Variants in GAL3ST2 observed in about 807,000 individuals in gnomAD.
GAL3ST2 encodes galactose-3-O-sulfotransferase 2.
GAL3ST2 carries 16 observed loss-of-function variants against 12.9 expected under a neutral mutation model. That is an observed-to-expected ratio of 1.24 (90% CI 0.84 to 1.88). The LOEUF (loss-of-function observed/expected upper bound fraction) is 1.88, where lower values mean the gene tolerates loss of function less well. Among genes scored for constraint, GAL3ST2 ranks in the 40% most tolerant of loss-of-function variants. The pLI is 0.00. For synonymous variants in GAL3ST2, 302 were observed against 273.9 expected, an observed-to-expected ratio of 1.10 and a Z score of -1.01; for missense variants, 639 against 571.8, an observed-to-expected ratio of 1.12 and a Z score of -1.20.
intron 1 of GAL3ST2, among the ~76,000 whole-genome samples, chr2:241,777,636 G>C (rs761792698): frequency 6.6e-6 from 1 of 152,202 alleles, no homozygotes; most frequent in African/African-American, 2.4e-5. Flanking sequence ...TCCCCGGGGC[G>C]TGTGCCGCCA....
At chr2:241,796,713 G>A (rs973029245) in intron 1 of GAL3ST2, among the ~76,000 whole-genome samples, 7 of 152,222 alleles carry the variant, frequency 4.6e-5, no homozygotes, top group African/African-American at 1.2e-4. Flanking sequence ...GCCATCGGCT[G>A]GGGTCGGGGG....
intron 1 of GAL3ST2, among the ~76,000 whole-genome samples, chr2:241,794,161 T>C (rs1699741420): frequency 6.6e-6 from 1 of 152,112 alleles, no homozygotes; most frequent in African/African-American, 2.4e-5. Context: ...CCACCTAGGC[T>C]GGTCTTGAAC....
intron 1 of GAL3ST2, among the ~76,000 whole-genome samples, chr2:241,780,024 G>A (rs938343792): frequency 1.3e-5 from 2 of 151,666 alleles, no homozygotes; most frequent in African/African-American, 4.8e-5. Flanking sequence ...TAAATAGATT[G>A]CTGTTATTTT....
At chr2:241,785,137 T>TA (rs61622416) in intron 1 of GAL3ST2, among the ~76,000 whole-genome samples, 627 of 152,014 alleles carry the variant, frequency 4.1e-3, no homozygotes, top group Non-Finnish European at 7.0e-3. Context: ...AATTTTTTTT[T>TA]AAACAAAGAC....
At chr2:241,796,669 T>G (rs1425592067) in intron 1 of GAL3ST2, among the ~76,000 whole-genome samples, 1 of 152,086 alleles carries the variant, frequency 6.6e-6, no homozygotes, top group Non-Finnish European at 1.5e-5. Flanking sequence ...CAGGGCCGGC[T>G]CTGGTCTTGT....
chr2:241,799,690 G>A (rs945982917), intron 2 of GAL3ST2, among the ~76,000 whole-genome samples: 8 of 152,284 alleles, frequency 5.3e-5, no homozygotes, highest in African/African-American at 1.9e-4. Context: ...TCCAGGCCCC[G>A]CCACTCCCCA....
chr2:241,777,275 G>A (rs1020135239), intron 1 of GAL3ST2, among the ~76,000 whole-genome samples: 15 of 152,224 alleles, frequency 9.9e-5, no homozygotes, highest in Admixed American at 2.6e-4. Context: ...GAGTGTCCGC[G>A]TGACGGCTGG....
At chr2:241,786,879 C>T (rs1414651427) in intron 1 of GAL3ST2, among the ~76,000 whole-genome samples, 1 of 152,066 alleles carries the variant, frequency 6.6e-6, no homozygotes, top group Non-Finnish European at 1.5e-5. Context: ...ATCTTGGGCC[C>T]CTGAAATCAC....
At chr2:241,778,921 G>A (rs532079544) in intron 1 of GAL3ST2, among the ~76,000 whole-genome samples, 107 of 152,224 alleles carry the variant, frequency 7.0e-4, no homozygotes, top group Middle Eastern at 3.4e-3. Context: ...CTCTCCAAAG[G>A]AGGCAGTCAG....
chr2:241,796,980 G>A (rs997094516), intron 1 of GAL3ST2, among the ~76,000 whole-genome samples: 2 of 152,188 alleles, frequency 1.3e-5, no homozygotes, highest in African/African-American at 2.4e-5. Flanking sequence ...CTGTTAGCAT[G>A]CACCTGGCCG....
At chr2:241,789,269 A>G (rs1423470265) in intron 1 of GAL3ST2, among the ~76,000 whole-genome samples, 1 of 152,146 alleles carries the variant, frequency 6.6e-6, no homozygotes, top group Non-Finnish European at 1.5e-5. Flanking sequence ...TACTGAAGTA[A>G]AAGCTATAGA....
rs891188895 is a variant in GAL3ST2, at chr2:241,795,940, G to A, written c.30-3125G>A. Among the ~76,000 whole-genome samples the A allele has an allele frequency of 1.3e-5, 2 of 152,212 alleles. No individual in the cohort carries two copies. The highest frequency in any genetic ancestry group is 2.9e-5 in the Non-Finnish European group (2 of 68,034). On this transcript the variant is annotated intron_variant, in intron 1 of 3. Coordinates refer to ENST00000192314, the MANE Select transcript of GAL3ST2 (RefSeq NM_022134.3). The surrounding 1 kb of genome is among the most constrained non-coding windows in gnomAD (Gnocchi z 4.5). ...GACTGGAGGGGTGCATTGAAGAATT[G>A]TAGAGTGCAGGTGAAGGGAGGGCCT...
chr2:241,796,708 C>T (rs1019295439), intron 1 of GAL3ST2, among the ~76,000 whole-genome samples: 4 of 152,186 alleles, frequency 2.6e-5, no homozygotes, highest in East Asian at 1.9e-4. Context: ...GCAGGGCCAT[C>T]GGCTGGGGTC....
At position 241,802,188 on chromosome 2, in the gene GAL3ST2, C is replaced by A; in HGVS notation, c.375+152C>A. 9.7e-7 allele frequency: 1 copy of A among 1,028,860 alleles called. No individual in the cohort carries two copies. The highest frequency in any genetic ancestry group is 1.4e-6 in the Non-Finnish European group (1 of 727,118). The allele number at this position is 1,028,860 out of a possible 1,614,324, so 63.7% of individuals were successfully genotyped here. Reference sequence around the variant, plus strand: ...GTTGGGAGGGCCTGGGCCGCACGCCCTGCTGAGCCAACCCCTGCCCCTCCA... The same window carrying A: ...GTTGGGAGGGCCTGGGCCGCACGCCATGCTGAGCCAACCCCTGCCCCTCCA... On this transcript the variant is annotated intron_variant, in intron 3 of 3. Transcript: ENST00000192314. This position sits in a 1 kb window ranked among gnomAD's most constrained non-coding sequence, Gnocchi z 4.8.
At chr2:241,777,687 G>C (rs931925050) in intron 1 of GAL3ST2, among the ~76,000 whole-genome samples, 1 of 152,194 alleles carries the variant, frequency 6.6e-6, no homozygotes, top group Non-Finnish European at 1.5e-5. Flanking sequence ...CTTAAGACCA[G>C]CTGCCAGGAC....
Position 241,803,573 on chromosome 2 carries a change from A to C in GAL3ST2, c.604A>C (p.Asn202His). ...GTGGTTCGACTTCGGCTTCGACCCC[A>C]ACGCGCAGTGCGAGGAGGGCTACGT... ...NMWFDFGFDP[N>H]AQCEEGYVRA... Residue 202 changes from asparagine (N) to histidine (H), a missense_variant, in exon 4 of 4, where the codon AAC (asparagine) becomes CAC (histidine). By Grantham distance (68) the Asn-to-His change is moderately conservative. Coordinates refer to ENST00000192314, the MANE Select transcript of GAL3ST2 (RefSeq NM_022134.3). 5.6e-6 allele frequency: 9 copies of C among 1,595,928 alleles called. No homozygotes were observed. Among genetic ancestry groups the C allele is most frequent in the South Asian group, 1.1e-5 (1 of 88,852 alleles).
At chr2:241,788,327 A>T (rs147933084) in intron 1 of GAL3ST2, among the ~76,000 whole-genome samples, 7 of 152,258 alleles carry the variant, frequency 4.6e-5, no homozygotes, top group African/African-American at 1.4e-4. Flanking sequence ...ATAATGGCAG[A>T]TGAGAGCTAC....
Position 241,779,014 on chromosome 2 carries a change from T to G in GAL3ST2, c.29+2030T>G, listed in dbSNP as rs376217010. Among the ~76,000 whole-genome samples, 8 of 152,104 alleles carry G rather than the reference T, an allele frequency of 5.3e-5. No individual in the cohort carries two copies. In the East Asian group the frequency reaches 1.6e-3, roughly 30 times the overall value. On this transcript the variant is annotated intron_variant, in intron 1 of 3. Transcript: ENST00000192314. Reference sequence around the variant, plus strand: ...TGCCCTGAGCAGTTCCCAGCTAGACTCCTCCCTTTAGCTTGTAGTGATCTG... The same window carrying G: ...TGCCCTGAGCAGTTCCCAGCTAGACGCCTCCCTTTAGCTTGTAGTGATCTG...
chr2:241,803,265 C>G, intron 3 of GAL3ST2, 80 bp from the exon 4 acceptor site: 1 of 1,181,984 alleles, frequency 8.5e-7, no homozygotes, highest in Non-Finnish European at 1.2e-6. Context: ...CGGGTGTGGC[C>G]AGGGCGCGCC....
Sources: gnomAD v4.1 joint callset for allele counts (sites outside exome capture counted in the v4.1 genomes callset) on GRCh38, gnomAD v4.1.1 for gene constraint, Gnocchi (gnomAD v3.1) non-coding constraint, MANE v1.5 for transcripts, NCBI Gene and HGNC (gene_info 2026-07-23, HGNC 2026-07-21) for gene names.